Variants in DCC observed in about 807,000 individuals in gnomAD.
DCC encodes the protein netrin receptor DCC.
A neutral mutation model predicts 172.5 loss-of-function variants in DCC; 58 were observed. The ratio of observed to expected loss-of-function variants is 0.34; its 90% CI spans 0.27 to 0.42. The LOEUF is 0.42. Among genes scored for constraint, DCC ranks in the 10% least tolerant of loss-of-function variants. The pLI, the probability that DCC is intolerant of heterozygous loss-of-function variation, is 1.00. For missense variants in DCC, 1,740 were observed against 1,791.0 expected, an observed-to-expected ratio of 0.97 and a Z score of 0.51; for synonymous variants, 709 against 644.5, an observed-to-expected ratio of 1.10 and a Z score of -1.52.
chr18:53,435,088 T>A, intron 21 of DCC, 56 bp from the exon 22 acceptor site: 1 of 1,267,210 alleles, frequency 7.9e-7, no homozygotes, highest in Non-Finnish European at 1.2e-6. Context: ...TTATTCTTTT[T>A]GTCTTCATTT....
chr18:53,292,518 C>T (rs980633670), intron 12 of DCC, among the ~76,000 whole-genome samples: 2 of 152,088 alleles, frequency 1.3e-5, no homozygotes, highest in Non-Finnish European at 2.9e-5. Context: ...AAAACCCTGT[C>T]TCCACTAAAC....
chr18:53,090,091 T>C (rs527818459), intron 7 of DCC, among the ~76,000 whole-genome samples: 4 of 152,334 alleles, frequency 2.6e-5, no homozygotes, highest in African/African-American at 9.6e-5. Context: ...TGTCTACTAG[T>C]TGCTAAAATT....
intron 1 of DCC, among the ~76,000 whole-genome samples, chr18:52,512,709 T>A (rs1174985771): frequency 6.6e-6 from 1 of 152,076 alleles, no homozygotes; most frequent in Non-Finnish European, 1.5e-5. Flanking sequence ...ATACAGATGG[T>A]GAACTAGTAA....
intron 1 of DCC, among the ~76,000 whole-genome samples, chr18:52,507,641 A>T (rs1240674587): frequency 6.6e-6 from 1 of 152,184 alleles, no homozygotes; most frequent in Non-Finnish European, 1.5e-5. Context: ...CCAGTCCAAG[A>T]AGTGTCTCTT....
intron 27 of DCC, among the ~76,000 whole-genome samples, chr18:53,513,786 A>G (rs1445082531): frequency 6.7e-6 from 1 of 149,470 alleles, no homozygotes; most frequent in African/African-American, 2.5e-5. Context: ...ATATGCACCC[A>G]ATACAGGAGC....
chr18:52,632,433 T>A (rs2034694551), intron 1 of DCC, among the ~76,000 whole-genome samples: 1 of 152,212 alleles, frequency 6.6e-6, no homozygotes, highest in African/African-American at 2.4e-5. Context: ...TTGACTTGCA[T>A]GCGTAATAAA....
chr18:53,202,516 A>G (rs2055554968), intron 9 of DCC, among the ~76,000 whole-genome samples: 1 of 152,212 alleles, frequency 6.6e-6, no homozygotes, highest in Non-Finnish European at 1.5e-5. Flanking sequence ...AAAAATCATT[A>G]TTTTGTAACC....
chr18:53,147,041 A>G (rs2043926257), intron 7 of DCC, among the ~76,000 whole-genome samples: 3 of 152,352 alleles, frequency 2.0e-5, no homozygotes, highest in Middle Eastern at 6.8e-3. Flanking sequence ...ATGCACAGCC[A>G]CAATTTATGA....
intron 2 of DCC, among the ~76,000 whole-genome samples, chr18:52,804,220 A>T (rs1335399006): frequency 6.8e-6 from 1 of 146,610 alleles, no homozygotes; most frequent in Non-Finnish European, 1.5e-5. Flanking sequence ...TAAACACTTT[A>T]CATTCTTCAT....
chr18:53,414,619 C>T (rs529206765), intron 20 of DCC, among the ~76,000 whole-genome samples: 32 of 152,074 alleles, frequency 2.1e-4, no homozygotes, highest in African/African-American at 7.5e-4. Flanking sequence ...GAGGCCGAGG[C>T]GGGTGGATCA....
chr18:52,630,811 G>A (rs1237194565), intron 1 of DCC, among the ~76,000 whole-genome samples: 1 of 152,122 alleles, frequency 6.6e-6, no homozygotes, highest in Non-Finnish European at 1.5e-5. Flanking sequence ...ATTCATGTGG[G>A]CCTACTACCT....
intron 23 of DCC, 32 bp from the exon 24 acceptor site, chr18:53,459,200 T>A: frequency 6.6e-7 from 1 of 1,523,084 alleles, no homozygotes; most frequent in Non-Finnish European, 9.1e-7. Flanking sequence ...GAATAGAGGT[T>A]CTCACATTTG....
At chr18:53,084,839 C>A (rs1216361797) in intron 7 of DCC, among the ~76,000 whole-genome samples, 1 of 152,158 alleles carries the variant, frequency 6.6e-6, no homozygotes, top group Non-Finnish European at 1.5e-5. Flanking sequence ...AATTTGAATT[C>A]AAGATTCTTC....
At chr18:52,524,092 C>T (rs1312545006) in intron 1 of DCC, among the ~76,000 whole-genome samples, 5 of 152,074 alleles carry the variant, frequency 3.3e-5, no homozygotes, top group African/African-American at 1.2e-4. Flanking sequence ...TATAGGCAAG[C>T]CTATTTAGGT....
chr18:53,239,520 C>T lies in DCC; in HGVS notation c.1911+23923C>T, dbSNP rs143825009. ...TTGTGCTGATAGGTGAGTGAATTCA[C>T]GGAGCAGAGACAGAAATGAGGGAGA... On this transcript the variant is annotated intron_variant, in intron 12 of 28. Transcript: ENST00000442544. Among the ~76,000 whole-genome samples, 552 of 152,140 alleles carry T rather than the reference C, an allele frequency of 3.6e-3. 2 individuals are homozygous for T. Among genetic ancestry groups the T allele is most frequent in the African/African-American group, 0.011 (462 of 41,538 alleles).
At chr18:52,639,160 C>T (rs577360790) in intron 1 of DCC, among the ~76,000 whole-genome samples, 40 of 152,076 alleles carry the variant, frequency 2.6e-4, no homozygotes, top group African/African-American at 6.8e-4. Context: ...ACAGCAAAGG[C>T]GATGCTAAGA....
chr18:53,028,191 A>G (rs1162216171), intron 5 of DCC, among the ~76,000 whole-genome samples: 1 of 152,114 alleles, frequency 6.6e-6, no homozygotes. Flanking sequence ...ATCAATGGTA[A>G]TTGGAAGTGC....
At chr18:53,208,290 TATATGTATATATGTATATAC>T (rs1205278028) in intron 11 of DCC, among the ~76,000 whole-genome samples, 2 of 151,446 alleles carry the variant, frequency 1.3e-5, no homozygotes, top group East Asian at 1.9e-4. Context: ...TAAATAAATA[TATATGTATATATGTATATAC>T]ATATGTATAT....
At chr18:52,364,012 C>G in intron 1 of DCC, among the ~76,000 whole-genome samples, 1 of 152,156 alleles carries the variant, frequency 6.6e-6, no homozygotes, top group East Asian at 1.9e-4. Context: ...TTCTCTGGCC[C>G]CCTGAGACTG....
Sources: gnomAD v4.1 joint callset for allele counts (sites outside exome capture counted in the v4.1 genomes callset) on GRCh38, gnomAD v4.1.1 for gene constraint, MANE v1.5 for transcripts, NCBI Gene and HGNC (gene_info 2026-07-23, HGNC 2026-07-21) for gene names.